CRYL1: variants seen among roughly 807,000 people sequenced by gnomAD.
CRYL1 encodes the protein lambda-crystallin homolog.
CRYL1 carries 29 observed loss-of-function variants against 36.6 expected under a neutral mutation model. The ratio of observed to expected loss-of-function variants is 0.79; its 90% CI spans 0.59 to 1.08. The LOEUF is 1.08. CRYL1 is among the 50% of genes least tolerant of loss of function. The pLI, the probability that CRYL1 is intolerant of heterozygous loss-of-function variation, is 0.00. For missense variants in CRYL1, 411 were observed against 407.9 expected, an observed-to-expected ratio of 1.01 and a Z score of -0.06; for synonymous variants, 152 against 151.5, an observed-to-expected ratio of 1.00 and a Z score of -0.02.
chr13:20,500,556 G>A (rs1031028812), intron 2 of CRYL1, among the ~76,000 whole-genome samples: 4 of 152,180 alleles, frequency 2.6e-5, no homozygotes, highest in African/African-American at 9.7e-5. Context: ...CAAGTATATG[G>A]GACTGAAGCT....
At position 20,488,139 on chromosome 13, in the gene CRYL1, G is replaced by A. The variant is rs73445958; in HGVS notation, c.276+1231C>T. On this transcript the variant is annotated intron_variant, in intron 3 of 7. Transcript: ENST00000298248. ...ATAAAACTAAATTCATGTGAAAGAA[G>A]CTTCTCTGCCAAGACCAGGCCTGGA... 0.034 allele frequency among the ~76,000 whole-genome samples: 5,232 copies of A among 152,208 alleles called. 290 individuals carry two copies. The highest frequency in any genetic ancestry group is 0.12 in the African/African-American group (4,888 of 41,516).
chr13:20,413,347 G>C lies in CRYL1; in HGVS notation c.674C>G (p.Ser225Ter). 1 of 1,613,724 alleles carries C rather than the reference G, an allele frequency of 6.2e-7. No individual in the cohort carries two copies. The highest frequency in any genetic ancestry group is 8.5e-7 in the Non-Finnish European group (1 of 1,179,818). ...VSPSDLDLVMSEGLGMRYAFI... is the reference protein window; with the variant it reads ...VSPSDLDLVM ...TGCATACCGCATGCCCAACCCTTCT[G>C]ACATGACAAGGTCCAGGTCACTAGG... The change falls in exon 6 of 8, where the codon TCA (serine) becomes TGA (stop). Residue 225 changes from serine (S) to a stop codon, truncating the protein, a stop_gained. Transcript: ENST00000298248. LOFTEE classifies it high-confidence loss of function.
intron 3 of CRYL1, among the ~76,000 whole-genome samples, chr13:20,444,878 A>C (rs774505774): frequency 1.3e-5 from 2 of 152,146 alleles, no homozygotes; most frequent in Non-Finnish European, 2.9e-5. Context: ...CACCATGCTC[A>C]GCTAATTTTT....
rs1428305435 is a variant in CRYL1, at chr13:20,425,122, G to A, written c.633+6980C>T. Among the ~76,000 whole-genome samples the A allele has an allele frequency of 1.3e-5, 2 of 152,192 alleles. No homozygotes were observed. The highest frequency in any genetic ancestry group is 2.9e-5 in the Non-Finnish European group (2 of 68,022). On this transcript the variant is annotated intron_variant, in intron 5 of 7. Coordinates refer to ENST00000298248, the MANE Select transcript of CRYL1 (RefSeq NM_015974.3). The surrounding 1 kb of genome is among the most constrained non-coding windows in gnomAD (Gnocchi z 4.4). ...CCGGACACATTCCAGGTGCACCACA[G>A]TCTGAAGCAAACCACAGCAATTCAC... is the stretch of plus-strand genomic sequence containing the variant.
chr13:20,446,778 G>C (rs1458947964), intron 3 of CRYL1, among the ~76,000 whole-genome samples: 1 of 152,204 alleles, frequency 6.6e-6, no homozygotes, highest in African/African-American at 2.4e-5. Flanking sequence ...AATTATGCCT[G>C]TTGGTAGAGT....
At chr13:20,431,782 G>C in intron 5 of CRYL1, 1 of 1,262,886 alleles carries the variant, frequency 7.9e-7, no homozygotes, top group South Asian at 1.7e-5. Context: ...CTGCCTCTGT[G>C]GGAAAATGCA....
At chr13:20,469,040 T>C (rs2033000935) in intron 3 of CRYL1, among the ~76,000 whole-genome samples, 1 of 152,224 alleles carries the variant, frequency 6.6e-6, no homozygotes, top group Admixed American at 6.5e-5. Context: ...ACGGCATCCC[T>C]GTTACAACTC....
intron 5 of CRYL1, among the ~76,000 whole-genome samples, chr13:20,416,626 A>C (rs1204702218): frequency 6.6e-6 from 1 of 152,218 alleles, no homozygotes; most frequent in Admixed American, 6.5e-5. Flanking sequence ...TCAAACTGGG[A>C]AGTATGCAAA....
intron 3 of CRYL1, among the ~76,000 whole-genome samples, chr13:20,440,863 C>G (rs894348879): frequency 1.3e-5 from 2 of 152,086 alleles, no homozygotes; most frequent in African/African-American, 4.8e-5. Flanking sequence ...AGATAACGAC[C>G]GCTCTGAGAT....
intron 3 of CRYL1, among the ~76,000 whole-genome samples, chr13:20,485,920 T>A (rs1028445942): frequency 1.3e-5 from 2 of 151,944 alleles, no homozygotes; most frequent in East Asian, 3.9e-4. Flanking sequence ...ATATTTTGTT[T>A]GTTTGTTTGT....
intron 5 of CRYL1, among the ~76,000 whole-genome samples, chr13:20,420,361 G>A (rs2031772001): frequency 6.6e-6 from 1 of 152,072 alleles, no homozygotes; most frequent in Non-Finnish European, 1.5e-5. Context: ...AGGCATCTCA[G>A]CTACATCTAT....
chr13:20,407,524 C>G (rs2031408825), intron 6 of CRYL1, among the ~76,000 whole-genome samples: 1 of 152,166 alleles, frequency 6.6e-6, no homozygotes, highest in Non-Finnish European at 1.5e-5. Flanking sequence ...ATGCCAATTT[C>G]TTTGGAAATA....
At chr13:20,509,139 A>G (rs1308613124) in intron 2 of CRYL1, among the ~76,000 whole-genome samples, 1 of 151,210 alleles carries the variant, frequency 6.6e-6, no homozygotes, top group Non-Finnish European at 1.5e-5. Flanking sequence ...GGTTGCAGTG[A>G]GCCAAGATCG....
At chr13:20,499,428 C>T (rs1008220948) in intron 2 of CRYL1, among the ~76,000 whole-genome samples, 4 of 149,718 alleles carry the variant, frequency 2.7e-5, no homozygotes, top group South Asian at 2.1e-4. Flanking sequence ...GCGGGTGGAT[C>T]GTGAGGTCAG....
rs1488486832 is a variant in CRYL1 at position 20,425,041 on chromosome 13, A to G, written c.633+7061T>C. On this transcript the variant is annotated intron_variant, in intron 5 of 7. Coordinates refer to ENST00000298248, the MANE Select transcript of CRYL1 (RefSeq NM_015974.3). The surrounding 1 kb of genome is among the most constrained non-coding windows in gnomAD (Gnocchi z 4.4). ...CTATGTGACTTCGTGCCAAGACCAC[A>G]CAGATGTTGCCAATGTCTGCGCTGT... is the stretch of plus-strand genomic sequence containing the variant. Among the ~76,000 whole-genome samples, 2 of 152,142 alleles carry G rather than the reference A, an allele frequency of 1.3e-5. No individual in the cohort carries two copies. The highest frequency in any genetic ancestry group is 2.9e-5 in the Non-Finnish European group (2 of 68,002).
At chr13:20,418,195 T>C (rs1341041710) in intron 5 of CRYL1, among the ~76,000 whole-genome samples, 1 of 152,104 alleles carries the variant, frequency 6.6e-6, no homozygotes, top group Non-Finnish European at 1.5e-5. Context: ...CCAAATACCT[T>C]CCCAGCAACA....
chr13:20,431,675 C>T (rs2032062727), intron 5 of CRYL1: 4 of 1,105,082 alleles, frequency 3.6e-6, no homozygotes, highest in Non-Finnish European at 4.4e-6. Context: ...ACTTCTTCCT[C>T]AAGCTCTTGA....
intron 2 of CRYL1, among the ~76,000 whole-genome samples, chr13:20,500,287 A>C (rs1431837363): frequency 2.6e-5 from 4 of 152,202 alleles, no homozygotes; most frequent in Non-Finnish European, 1.5e-5. Flanking sequence ...ATACTTTTGT[A>C]AACAGAATTT....
chr13:20,446,712 AT>A, intron 3 of CRYL1, among the ~76,000 whole-genome samples: 1 of 151,238 alleles, frequency 6.6e-6, no homozygotes, highest in East Asian at 1.9e-4. Flanking sequence ...CACCTCTAGA[AT>A]TTTTTTTGTT....
Sources: gnomAD v4.1 joint callset for allele counts (sites outside exome capture counted in the v4.1 genomes callset) on GRCh38, gnomAD v4.1.1 for gene constraint, Gnocchi (gnomAD v3.1) non-coding constraint, MANE v1.5 for transcripts, NCBI Gene and HGNC (gene_info 2026-07-23, HGNC 2026-07-21) for gene names.